The following RYR1 variants were observed in gnomAD, a reference collection of about 807,000 sequenced individuals.
RYR1 encodes central core disease of muscle.
A neutral mutation model predicts 583.5 loss-of-function variants in RYR1; 342 were observed. The observed-to-expected ratio is 0.59, with a 90% confidence interval of 0.54 to 0.64. RYR1 has a LOEUF of 0.64. Ranked by LOEUF, RYR1 falls within the 30% of genes least tolerant of loss-of-function variation. The pLI, the probability that RYR1 is intolerant of heterozygous loss-of-function variation, is 0.00. For missense variants in RYR1, 6,032 were observed against 6,917.2 expected, an observed-to-expected ratio of 0.87 and a Z score of 4.54; for synonymous variants, 2,791 against 2,822.5, an observed-to-expected ratio of 0.99 and a Z score of 0.35.
In RYR1 at chr19:38,537,513, C is replaced by T. The variant is rs940191451; in HGVS notation, c.11609-367C>T. 7.9e-5 allele frequency among the ~76,000 whole-genome samples: 12 copies of T among 152,260 alleles called. No homozygotes were observed. In the South Asian group the frequency reaches 8.3e-4, roughly 11 times the overall value. The stretch of plus-strand genomic sequence containing the variant: ...CAAACCCCCATAATCCATTAACCTC[C>T]ACGGTCTGAAGGGGGGCTGAGGGCA... On this transcript the variant is annotated intron_variant, in intron 83 of 105. Transcript: ENST00000359596.
rs770527766 is a variant in RYR1, at chr19:38,443,661, G to C, written c.345+29G>C. ...AGTGCAACCTCGGTGGGCGTGGGCA[G>C]GGGCCAGGGCATGTGGGGCCTGCTA... is the stretch of plus-strand genomic sequence containing the variant. On this transcript the variant is annotated intron_variant, in intron 4 of 105. Transcript: ENST00000359596. The C allele has an allele frequency of 9.9e-6, 16 of 1,613,996 alleles. No homozygotes were observed. In the South Asian group the frequency reaches 1.5e-4, roughly 16 times the overall value.
rs779111292 is a variant in RYR1 at position 38,473,460 on chromosome 19, G to A, written c.3849G>A (p.Val1283=). Residue 1283 remains valine, a synonymous_variant, in exon 28 of 106, where the codon GTG becomes GTA. Coordinates refer to ENST00000359596, the MANE Select transcript of RYR1 (RefSeq NM_000540.3). Reference sequence around the variant, plus strand: ...CCTGGGGCTCCCAGAACAGCCTGGTGGAGATGCTTTTCCTGCGGCTGAGCC... The same window carrying A: ...CCTGGGGCTCCCAGAACAGCCTGGTAGAGATGCTTTTCCTGCGGCTGAGCC... The part of the protein sequence containing the change: ...HRTWGSQNSL[V]EMLFLRLSLP... 73 of 1,613,854 alleles carry A rather than the reference G, an allele frequency of 4.5e-5. No homozygotes were observed. The highest frequency in any genetic ancestry group is 6.0e-5 in the Non-Finnish European group (71 of 1,179,972).
chr19:38,468,187 A>G (rs191559051), intron 25 of RYR1, among the ~76,000 whole-genome samples: 6 of 150,192 alleles, frequency 4.0e-5, no homozygotes, highest in African/African-American at 1.5e-4. Flanking sequence ...TAGGCAAGGT[A>G]GCATGCACAT....
At chr19:38,567,731 C>T in intron 92 of RYR1, 42 bp from the exon 93 acceptor site, 5 of 1,614,174 alleles carry the variant, frequency 3.1e-6, no homozygotes, top group Non-Finnish European at 4.2e-6. Flanking sequence ...CATGCATTGC[C>T]TGCCCAGGCA....
intron 49 of RYR1, 105 bp from the exon 50 acceptor site, chr19:38,504,115 C>T: frequency 1.0e-5 from 13 of 1,286,300 alleles, no homozygotes; most frequent in Non-Finnish European, 1.4e-5. Context: ...ACACCTCCTT[C>T]ATAATTTAAA....
chr19:38,575,820 A>T, intron 96 of RYR1, 99 bp from the exon 97 acceptor site: 1 of 1,310,884 alleles, frequency 7.6e-7, no homozygotes, highest in Non-Finnish European at 1.1e-6. Flanking sequence ...AAGGAAAAAG[A>T]AAAACAGTGG....
chr19:38,565,523 G>A lies in RYR1; in HGVS notation c.13189G>A (p.Ala4397Thr), dbSNP rs1973368582. ...CGACGAGGTGCACGGCGAGCAGCCG[G>A]CCGGGCCGGGCGGAGACGCAGACGG... is the stretch of plus-strand genomic sequence containing the variant. ...TSDEVHGEQPAGPGGDADGEG... is the reference protein window; with the variant it reads ...TSDEVHGEQPTGPGGDADGEG... The change falls in exon 91 of 106, where the codon GCC (alanine) becomes ACC (threonine). Residue 4397 changes from alanine (A) to threonine (T), a missense_variant. Around this residue, in one of 11 missense-constraint regions of RYR1, gnomAD observed 753 missense variants for 759.6 expected, o/e 0.99. Transcript: ENST00000359596. The surrounding 1 kb of genome is among the most constrained non-coding windows in gnomAD (Gnocchi z 4.7). 2.0e-6 allele frequency: 3 copies of A among 1,503,234 alleles called. No individual in the cohort carries two copies. Among genetic ancestry groups the A allele is most frequent in the East Asian group, 2.7e-5 (1 of 36,786 alleles). 93.1% of individuals were successfully genotyped at this position (1,503,234 alleles called of 1,614,324 possible). A position where few individuals can be genotyped will look rare whatever the true frequency, so the allele number is the denominator to read the frequency against.
chr19:38,564,215 C>CA (rs1392446521), intron 90 of RYR1, among the ~76,000 whole-genome samples: 3 of 152,004 alleles, frequency 2.0e-5, no homozygotes, highest in African/African-American at 7.2e-5. Context: ...CCTGTCTCTG[C>CA]AAAAAAATTT....
intron 19 of RYR1, 56 bp downstream of exon 19, chr19:38,459,394 C>T: frequency 6.6e-7 from 1 of 1,521,836 alleles, no homozygotes; most frequent in Non-Finnish European, 9.0e-7. Context: ...TGACCTGAGA[C>T]AGCTTCCCCA....
chr19:38,475,205 C>T, intron 28 of RYR1, 113 bp from the exon 29 acceptor site: 1 of 1,414,800 alleles, frequency 7.1e-7, no homozygotes, highest in Non-Finnish European at 9.7e-7. Flanking sequence ...AGAGGCAAGA[C>T]CTGGGGTATT....
At chr19:38,534,095 T>G (rs933000121) in intron 78 of RYR1, among the ~76,000 whole-genome samples, 2 of 145,762 alleles carry the variant, frequency 1.4e-5, no homozygotes, top group Non-Finnish European at 3.0e-5. Context: ...CACTGCAACC[T>G]CCACCTCCCG....
intron 9 of RYR1, among the ~76,000 whole-genome samples, chr19:38,447,386 C>G (rs1216415622): frequency 1.3e-5 from 2 of 150,320 alleles, no homozygotes; most frequent in African/African-American, 4.9e-5. Flanking sequence ...ACTAAAGATA[C>G]AAAAATTTGC....
At chr19:38,471,411 TC>T (rs1271666958) in intron 27 of RYR1, among the ~76,000 whole-genome samples, 1 of 152,030 alleles carries the variant, frequency 6.6e-6, no homozygotes, top group Non-Finnish European at 1.5e-5. Context: ...GTGCCTGTGG[TC>T]CCAGCCACTT....
chr19:38,443,829 G>A, intron 5 of RYR1, 33 bp downstream of exon 5: 1 of 1,606,302 alleles, frequency 6.2e-7, no homozygotes, highest in Non-Finnish European at 8.5e-7. Flanking sequence ...GGGTGTGAAG[G>A]GGCCCCGCAG....
chr19:38,492,807 G>A (rs1161784564), intron 38 of RYR1, among the ~76,000 whole-genome samples, 171 bp downstream of exon 38: 2 of 152,000 alleles, frequency 1.3e-5, no homozygotes, highest in South Asian at 2.1e-4. Context: ...GGTGGCTCAC[G>A]CCTGTAATCC....
rs973190440 is a variant in RYR1 at position 38,585,640 on chromosome 19, AT to A, written c.14804-290del. Among the ~76,000 whole-genome samples the A allele has an allele frequency of 3.3e-5, 5 of 151,116 alleles. No homozygotes were observed. In the Admixed American group the frequency reaches 3.3e-4, roughly 10 times the overall value. On this transcript the variant is annotated intron_variant, in intron 102 of 105. Coordinates refer to ENST00000359596, the MANE Select transcript of RYR1 (RefSeq NM_000540.3). ...AGGCACATGCTACCACACCCAGCTA[AT>A]TTTTTTTATTTTTTTATTGTTAGTA... is the stretch of plus-strand genomic sequence containing the variant.
chr19:38,494,657 T>G lies in RYR1; in HGVS notation c.6548+32T>G, dbSNP rs752133742. ...CACCGCCCTTCCCCCTTACTTTGCA[T>G]ATCCCCTTGGGTAATGAATACCCTC... On this transcript the variant is annotated intron_variant, in intron 39 of 105. Coordinates refer to ENST00000359596, the MANE Select transcript of RYR1 (RefSeq NM_000540.3). 4 of 1,613,340 alleles carry G rather than the reference T, an allele frequency of 2.5e-6. No homozygotes were observed. In the East Asian group the frequency reaches 8.9e-5, roughly 36 times the overall value.
chr19:38,518,325 C>T (rs568363290), intron 66 of RYR1, among the ~76,000 whole-genome samples: 1 of 149,136 alleles, frequency 6.7e-6, no homozygotes, highest in South Asian at 2.1e-4. Flanking sequence ...TTTGAGAGGC[C>T]AAGGTGGGTG....
intron 31 of RYR1, among the ~76,000 whole-genome samples, chr19:38,480,568 G>A (rs964213489): frequency 2.0e-5 from 3 of 151,970 alleles, no homozygotes. Context: ...TGATCTTAAA[G>A]AGCATAACCA....
Sources: gnomAD v4.1 joint callset for allele counts (sites outside exome capture counted in the v4.1 genomes callset) on GRCh38, gnomAD v4.1.1 for gene constraint, gnomAD v4.1.1 regional missense constraint, Gnocchi (gnomAD v3.1) non-coding constraint, MANE v1.5 for transcripts, NCBI Gene and HGNC (gene_info 2026-07-23, HGNC 2026-07-21) for gene names.